The following ANTXR2 variants were observed in gnomAD, a reference collection of about 807,000 sequenced individuals.
ANTXR2 encodes ANTXR cell adhesion molecule 2, also known as anthrax toxin receptor 2.
In ANTXR2, 44 loss-of-function variants were observed where a neutral mutation model predicts 73.7. That is an observed-to-expected ratio of 0.60 (90% CI 0.47 to 0.77). The LOEUF is 0.77. ANTXR2 is among the 30% of genes least tolerant of loss of function. The pLI is 0.00. For synonymous variants in ANTXR2, 217 were observed against 205.9 expected (o/e 1.05, Z -0.46); for missense variants, 604 against 592.5 (o/e 1.02, Z -0.20).
Position 79,902,624 on chromosome 4 carries a change from A to T in ANTXR2, c.*4805T>A, listed in dbSNP as rs1178142238. 1.3e-5 allele frequency: 2 copies of T among 152,180 alleles called. No homozygotes were observed. Among genetic ancestry groups the T allele is most frequent in the African/African-American group, 2.4e-5 (1 of 41,456 alleles). 9.4% of individuals were successfully genotyped at this position (152,180 alleles called of 1,614,324 possible). ...TTTTACCCATCTTTTTAGAGATTTC[A>T]TCAGATATAAACTGTAAGTTTCCTC... On this transcript the variant is annotated 3_prime_UTR_variant, in exon 17 of 17. Coordinates refer to ENST00000403729, the MANE Select transcript of ANTXR2 (RefSeq NM_058172.6).
chr4:79,926,989 A>ATATATG (rs1727832335), intron 16 of ANTXR2, among the ~76,000 whole-genome samples: 2 of 145,898 alleles, frequency 1.4e-5, no homozygotes, highest in African/African-American at 5.2e-5. Flanking sequence ...GTGTGCATAT[A>ATATATG]TGTGTATATA....
intron 16 of ANTXR2, chr4:79,964,866 T>G (rs12508279): frequency 6.6e-6 from 1 of 152,014 alleles, no homozygotes; most frequent in Non-Finnish European, 1.5e-5. Context: ...AACATTCATG[T>G]CTCGGAGGAC....
intron 16 of ANTXR2, among the ~76,000 whole-genome samples, chr4:79,929,125 G>C (rs1489383818): frequency 6.6e-6 from 1 of 152,076 alleles, no homozygotes; most frequent in Non-Finnish European, 1.5e-5. Flanking sequence ...GGGTCTCCCT[G>C]TCTATTGCCT....
chr4:80,073,025 GAACA>G lies in ANTXR2; in HGVS notation c.-469_-466del, dbSNP rs1453481616. 1 of 155,702 alleles carries G rather than the reference GAACA, an allele frequency of 6.4e-6. No individual in the cohort carries two copies. The highest frequency in any genetic ancestry group is 1.9e-4 in the East Asian group (1 of 5,268). The allele number at this position is 155,702 out of a possible 1,614,324, so 9.6% of individuals were successfully genotyped here. ...GGGTCCCTGGGACGCGGCGACGGCA[GAACA>G]AACTAGGAGTGGAGACTCTTCTCCT... On this transcript the variant is annotated 5_prime_UTR_variant, in exon 1 of 17. Coordinates refer to ENST00000403729, the MANE Select transcript of ANTXR2 (RefSeq NM_058172.6).
intron 16 of ANTXR2, among the ~76,000 whole-genome samples, chr4:79,909,281 TGTG>T (rs1353399088): frequency 2.0e-5 from 3 of 152,176 alleles, no homozygotes; most frequent in Non-Finnish European, 4.4e-5. Flanking sequence ...TATTTTCACT[TGTG>T]TTTTATCACT....
intron 3 of ANTXR2, among the ~76,000 whole-genome samples, chr4:80,058,840 G>A (rs898259980): frequency 6.6e-6 from 1 of 152,066 alleles, no homozygotes; most frequent in Admixed American, 6.6e-5. Context: ...CAACTACAGG[G>A]AACAGCAATA....
chr4:79,998,740 C>A (rs1730860251), intron 12 of ANTXR2, among the ~76,000 whole-genome samples: 2 of 152,080 alleles, frequency 1.3e-5, no homozygotes, highest in African/African-American at 4.8e-5. Context: ...AGGAAGGATA[C>A]TCAATGAACA....
At chr4:80,055,309 A>T in intron 5 of ANTXR2, 51 bp downstream of exon 5, 10 of 1,564,790 alleles carry the variant, frequency 6.4e-6, no homozygotes, top group Non-Finnish European at 3.5e-6. Flanking sequence ...ATTCCGAGAC[A>T]CACAGCGATG....
chr4:80,064,628 T>G (rs745452629), intron 3 of ANTXR2, among the ~76,000 whole-genome samples: 2 of 152,200 alleles, frequency 1.3e-5, no homozygotes, highest in Non-Finnish European at 2.9e-5. Flanking sequence ...TGGGGTTCCT[T>G]TAGACCTGCT....
intron 16 of ANTXR2, among the ~76,000 whole-genome samples, chr4:79,912,600 C>T (rs1163143163): frequency 1.3e-5 from 2 of 152,112 alleles, no homozygotes; most frequent in East Asian, 3.9e-4. Flanking sequence ...TTGTCAAAAA[C>T]TATATGGTAA....
At chr4:79,935,467 A>G (rs1728225777) in intron 16 of ANTXR2, among the ~76,000 whole-genome samples, 1 of 152,128 alleles carries the variant, frequency 6.6e-6, no homozygotes, top group Admixed American at 6.5e-5. Context: ...GACTGTCTAG[A>G]GAAACATACT....
At chr4:80,062,262 A>G (rs1254173493) in intron 3 of ANTXR2, among the ~76,000 whole-genome samples, 2 of 152,232 alleles carry the variant, frequency 1.3e-5, no homozygotes, top group African/African-American at 4.8e-5. Flanking sequence ...ATATTCTCCA[A>G]TTTGGCCTGC....
intron 3 of ANTXR2, among the ~76,000 whole-genome samples, chr4:80,067,707 A>G (rs1200103967): frequency 1.3e-5 from 2 of 152,174 alleles, no homozygotes; most frequent in African/African-American, 4.8e-5. Flanking sequence ...TCATCCACAC[A>G]AGAAAGTAAG....
intron 12 of ANTXR2, among the ~76,000 whole-genome samples, chr4:79,994,660 T>C (rs1162857539): frequency 6.6e-6 from 1 of 151,980 alleles, no homozygotes; most frequent in African/African-American, 2.4e-5. Flanking sequence ...TTTAATGTCA[T>C]ATTCATTATC....
intron 16 of ANTXR2, among the ~76,000 whole-genome samples, chr4:79,972,928 A>AAAAAAAGAAAAG (rs1729480034): frequency 6.5e-5 from 1 of 15,380 alleles, no homozygotes; most frequent in Admixed American, 1.5e-3. Flanking sequence ...AATAAAAAAA[A>AAAAAAAGAAAAG]AAAAAAAAAA....
intron 7 of ANTXR2, among the ~76,000 whole-genome samples, chr4:80,053,538 T>C (rs1015631551): frequency 6.6e-6 from 1 of 151,742 alleles, no homozygotes; most frequent in African/African-American, 2.4e-5. Flanking sequence ...TTTTCAATGC[T>C]TTGGCTTAGA....
At chr4:80,044,876 A>G (rs1474761768) in intron 7 of ANTXR2, among the ~76,000 whole-genome samples, 2 of 151,868 alleles carry the variant, frequency 1.3e-5, no homozygotes, top group Non-Finnish European at 2.9e-5. Context: ...TACTCAATGA[A>G]TGTTTATTCT....
rs529893604 is a variant in ANTXR2, at chr4:79,904,530, T to C, written c.*2899A>G. 25 of 152,108 alleles carry C rather than the reference T, an allele frequency of 1.6e-4. No individual in the cohort carries two copies. The highest frequency in any genetic ancestry group is 3.4e-4 in the Non-Finnish European group (23 of 68,002). The allele number at this position is 152,108 out of a possible 1,614,324, so 9.4% of individuals were successfully genotyped here. A position where few individuals can be genotyped will look rare whatever the true frequency, so the allele number is the denominator to read the frequency against. On this transcript the variant is annotated 3_prime_UTR_variant, in exon 17 of 17. Coordinates refer to ENST00000403729, the MANE Select transcript of ANTXR2 (RefSeq NM_058172.6). ...TGTTTTTTCTTGGAGCACCAAATGC[T>C]CTAAGGAAAACATTCCAAGTATCAA...
intron 7 of ANTXR2, among the ~76,000 whole-genome samples, chr4:80,049,786 A>C (rs1034087544): frequency 6.6e-6 from 1 of 151,708 alleles, no homozygotes; most frequent in Non-Finnish European, 1.5e-5. Flanking sequence ...GAGCTCTCAA[A>C]TTCTACTAAT....
Sources: gnomAD v4.1 joint callset for allele counts (sites outside exome capture counted in the v4.1 genomes callset) on GRCh38, gnomAD v4.1.1 for gene constraint, MANE v1.5 for transcripts, NCBI Gene and HGNC (gene_info 2026-07-23, HGNC 2026-07-21) for gene names.